TMTC1: variants seen among roughly 807,000 people sequenced by gnomAD.
TMTC1 encodes the protein transmembrane O-mannosyltransferase targeting cadherins 1, also known as protein O-mannosyl-transferase TMTC1.
A neutral mutation model predicts 104.8 loss-of-function variants in TMTC1; 73 were observed. That is an observed-to-expected ratio of 0.70 (90% CI 0.58 to 0.85). TMTC1 has a LOEUF of 0.85. TMTC1 is among the 40% of genes least tolerant of loss of function. The pLI, the probability that TMTC1 is intolerant of heterozygous loss-of-function variation, is 0.00. For missense variants in TMTC1, 1,035 were observed against 1,096.1 expected, an observed-to-expected ratio of 0.94 and a Z score of 0.79; for synonymous variants, 434 against 428.7, an observed-to-expected ratio of 1.01 and a Z score of -0.15.
chr12:29,662,665 T>TCA (rs1422421815), intron 5 of TMTC1, among the ~76,000 whole-genome samples: 64 of 58,926 alleles, frequency 1.1e-3, no homozygotes, highest in African/African-American at 4.8e-3. Context: ...AGACTCCGTC[T>TCA]CAAAAAAAAA....
rs764744046 is a variant in TMTC1 at position 29,758,789 on chromosome 12, A to T, written c.481-12T>A. 6 of 1,585,942 alleles carry T rather than the reference A, an allele frequency of 3.8e-6. No individual in the cohort carries two copies. Among genetic ancestry groups the T allele is most frequent in the Non-Finnish European group, 4.3e-6 (5 of 1,169,386 alleles). On this transcript the variant is annotated splice_polypyrimidine_tract_variant and intron_variant, in intron 2 of 17. Transcript: ENST00000539277. ...ACGATCCCAGCCACCTTGGAAGTTAAAATAATAAAAAATGAAACTTCAGAC... is the reference window on the plus strand; with the variant it reads ...ACGATCCCAGCCACCTTGGAAGTTATAATAATAAAAAATGAAACTTCAGAC...
intron 7 of TMTC1, among the ~76,000 whole-genome samples, chr12:29,586,236 T>C (rs1212165382): frequency 1.3e-5 from 2 of 152,152 alleles, no homozygotes; most frequent in Non-Finnish European, 2.9e-5. Flanking sequence ...TTTGGCTCTC[T>C]GTCTGTTATT....
chr12:29,543,921 G>C (rs1303290747), intron 10 of TMTC1, among the ~76,000 whole-genome samples: 1 of 152,104 alleles, frequency 6.6e-6, no homozygotes, highest in Non-Finnish European at 1.5e-5. Context: ...GGAGGACACA[G>C]ATTCATATTA....
chr12:29,777,261 A>AC lies in TMTC1; in HGVS notation c.302+6188_302+6189insG, dbSNP rs568581158. ...AGGTGCACACCACCATGCCCAGCTA[A>AC]TTTTTGTATTTTTAGTAGAGATGGG... is the stretch of plus-strand genomic sequence containing the variant. On this transcript the variant is annotated intron_variant, in intron 1 of 17. Coordinates refer to ENST00000539277, the MANE Select transcript of TMTC1 (RefSeq NM_001193451.2). Among the ~76,000 whole-genome samples the AC allele has an allele frequency of 7.9e-5, 12 of 152,036 alleles. No individual in the cohort carries two copies. In the East Asian group the frequency reaches 2.3e-3, roughly 30 times the overall value.
At chr12:29,588,001 A>G (rs186925526) in intron 7 of TMTC1, among the ~76,000 whole-genome samples, 1 of 152,260 alleles carries the variant, frequency 6.6e-6, no homozygotes, top group African/African-American at 2.4e-5. Flanking sequence ...GAGGTTTCTG[A>G]CTTGGGAGAC....
intron 6 of TMTC1, among the ~76,000 whole-genome samples, chr12:29,621,951 A>T (rs1389629911): frequency 6.6e-6 from 1 of 152,104 alleles, no homozygotes. Flanking sequence ...CCACATGGAC[A>T]TGAAAATTTG....
intron 5 of TMTC1, among the ~76,000 whole-genome samples, chr12:29,653,674 A>C (rs945174983): frequency 8.5e-5 from 13 of 152,222 alleles, no homozygotes; most frequent in African/African-American, 3.1e-4. Context: ...GTCACAAAGA[A>C]CTGACTGACA....
chr12:29,532,049 T>A (rs1944519506), intron 11 of TMTC1, among the ~76,000 whole-genome samples: 1 of 152,166 alleles, frequency 6.6e-6, no homozygotes, highest in African/African-American at 2.4e-5. Context: ...TTATGTAAAA[T>A]GAGAAGGTTA....
intron 13 of TMTC1, 101 bp from the exon 14 acceptor site, chr12:29,517,672 T>C: frequency 4.4e-6 from 6 of 1,356,788 alleles, no homozygotes; most frequent in Non-Finnish European, 6.2e-6. Flanking sequence ...TTTGAACCTC[T>C]GCTCCAATAC....
intron 5 of TMTC1, among the ~76,000 whole-genome samples, chr12:29,696,372 T>C (rs1941424259): frequency 6.6e-6 from 1 of 152,164 alleles, no homozygotes; most frequent in South Asian, 2.1e-4. Flanking sequence ...ACTAACAGGT[T>C]TAGAAACTTC....
At chr12:29,710,811 A>G (rs1941887128) in intron 5 of TMTC1, among the ~76,000 whole-genome samples, 1 of 53,198 alleles carries the variant, frequency 1.9e-5, no homozygotes, top group South Asian at 8.5e-4. Context: ...GTATTTATAT[A>G]TAATATAATG....
intron 4 of TMTC1, among the ~76,000 whole-genome samples, chr12:29,754,032 A>G (rs779451267): frequency 6.6e-6 from 1 of 151,964 alleles, no homozygotes; most frequent in Non-Finnish European, 1.5e-5. Context: ...ATGCCCAGCT[A>G]ATTTTTGTAT....
chr12:29,564,690 C>T (rs1023308935), intron 9 of TMTC1, among the ~76,000 whole-genome samples: 1 of 152,040 alleles, frequency 6.6e-6, no homozygotes, highest in Non-Finnish European at 1.5e-5. Flanking sequence ...GACATTGCAA[C>T]TTTCTGGGAA....
At chr12:29,690,321 T>A (rs1478201201) in intron 5 of TMTC1, among the ~76,000 whole-genome samples, 1 of 152,214 alleles carries the variant, frequency 6.6e-6, no homozygotes, top group Non-Finnish European at 1.5e-5. Flanking sequence ...GCTATTCGCA[T>A]CTGAAAACAG....
In TMTC1 at chr12:29,536,277, C is replaced by A. The variant is rs1431848290; in HGVS notation, c.1717G>T (p.Asp573Tyr). 1 of 1,612,770 alleles carries A rather than the reference C, an allele frequency of 6.2e-7. No individual in the cohort carries two copies. The highest frequency in any genetic ancestry group is 1.7e-5 in the Admixed American group (1 of 59,790). Residue 573 changes from aspartate (D) to tyrosine (Y), a missense_variant, in exon 11 of 18, where the codon GAT (aspartate) becomes TAT (tyrosine). Coordinates refer to ENST00000539277, the MANE Select transcript of TMTC1 (RefSeq NM_001193451.2). ...KKEEAITLLK[D>Y]SIKYGPEFAD... Reference sequence around the variant, plus strand: ...AACTCTGGACCATATTTGATGGAATCCTTCAGTAAGGTGATAGCTTCTTCC... The same window carrying A: ...AACTCTGGACCATATTTGATGGAATACTTCAGTAAGGTGATAGCTTCTTCC...
chr12:29,659,967 T>C (rs555180332), intron 5 of TMTC1: 33 of 1,535,686 alleles, frequency 2.1e-5, no homozygotes, highest in Middle Eastern at 3.3e-4. Flanking sequence ...CAGACGGAAG[T>C]ACAAAATGAC....
intron 11 of TMTC1, among the ~76,000 whole-genome samples, chr12:29,527,941 G>A (rs60743264): frequency 0.083 from 12,586 of 152,140 alleles, 581 homozygotes; most frequent in Middle Eastern, 0.18. Context: ...TACACCTTCA[G>A]TAACCCCAAT....
At chr12:29,521,700 T>C (rs561997837) in intron 11 of TMTC1, among the ~76,000 whole-genome samples, 1 of 151,814 alleles carries the variant, frequency 6.6e-6, no homozygotes, top group African/African-American at 2.4e-5. Context: ...CCTGAGTAGC[T>C]GGGATTACAG....
intron 5 of TMTC1, among the ~76,000 whole-genome samples, chr12:29,650,998 T>C (rs924286375): frequency 6.6e-6 from 1 of 152,248 alleles, no homozygotes; most frequent in Non-Finnish European, 1.5e-5. Flanking sequence ...CACAAAACTA[T>C]GTATTCATCC....
Sources: allele counts gnomAD v4.1 joint callset (sites outside exome capture counted in the v4.1 genomes callset), GRCh38; gene constraint gnomAD v4.1.1; transcripts MANE v1.5; gene names NCBI Gene and HGNC (gene_info 2026-07-23, HGNC 2026-07-21).